PDZD2: variants seen among roughly 807,000 people sequenced by gnomAD.
PDZD2 encodes PDZ domain containing 2.
PDZD2 carries 90 observed loss-of-function variants against 220.7 expected under a neutral mutation model. The ratio of observed to expected loss-of-function variants is 0.41; its 90% CI spans 0.34 to 0.49. PDZD2 has a LOEUF of 0.49. PDZD2 is among the 20% of genes least tolerant of loss of function. The pLI is 0.28. For synonymous variants in PDZD2, 1,375 were observed against 1,450.5 expected, an observed-to-expected ratio of 0.95 and a Z score of 1.18; for missense variants, 3,174 against 3,608.5, an observed-to-expected ratio of 0.88 and a Z score of 3.08.
chr5:31,911,797 G>C (rs13357057), intron 2 of PDZD2, among the ~76,000 whole-genome samples: 4,393 of 152,288 alleles, frequency 0.029, 219 homozygotes, highest in African/African-American at 0.098. Context: ...CTGAGGGGAT[G>C]AATGCCAGGA....
Position 32,090,696 on chromosome 5 carries a change from G to A in PDZD2, c.7248G>A (p.Lys2416=). ...EAGTLLPQMA[K]SPSIMTLTIS... is the part of the protein sequence containing the mutation. ...GCACCCTCCTGCCCCAGATGGCCAA[G>A]TCTCCCTCAATCATGACACTGACCA... Residue 2416 remains lysine, a synonymous_variant, in exon 20 of 25, where the codon AAG becomes AAA. Transcript: ENST00000438447. This position sits in a 1 kb window ranked among gnomAD's most constrained non-coding sequence, Gnocchi z 4.3. 1 of 1,614,136 alleles carries A rather than the reference G, an allele frequency of 6.2e-7. No individual in the cohort carries two copies. Among genetic ancestry groups the A allele is most frequent in the Non-Finnish European group, 8.5e-7 (1 of 1,180,036 alleles).
chr5:31,961,770 A>C lies in PDZD2; in HGVS notation c.477-21385A>C, dbSNP rs896240984. 5.0e-4 allele frequency among the ~76,000 whole-genome samples: 76 copies of C among 152,192 alleles called. 1 individual carries two copies. The highest frequency in any genetic ancestry group is 7.9e-4 in the African/African-American group (33 of 41,520). On this transcript the variant is annotated intron_variant, in intron 2 of 24. Coordinates refer to ENST00000438447, the MANE Select transcript of PDZD2 (RefSeq NM_178140.4). Reference sequence around the variant, plus strand: ...GGGATTCTCCTGCCTCAGCCTCCTAACTAGCTGGGATTATAGGCATCCACC... The same window carrying C: ...GGGATTCTCCTGCCTCAGCCTCCTACCTAGCTGGGATTATAGGCATCCACC...
At chr5:31,988,046 C>G (rs1205402213) in intron 3 of PDZD2, among the ~76,000 whole-genome samples, 1 of 152,220 alleles carries the variant, frequency 6.6e-6, no homozygotes, top group Non-Finnish European at 1.5e-5. Context: ...CACAGTACTC[C>G]CCTACCCGGG....
At chr5:31,906,317 G>A (rs1216381643) in intron 2 of PDZD2, among the ~76,000 whole-genome samples, 1 of 149,196 alleles carries the variant, frequency 6.7e-6, no homozygotes, top group African/African-American at 2.5e-5. Context: ...CCCTGTTGCA[G>A]AGGCTGGAGT....
chr5:31,838,796 G>C (rs1296486694), intron 2 of PDZD2, among the ~76,000 whole-genome samples: 1 of 152,182 alleles, frequency 6.6e-6, no homozygotes, highest in Non-Finnish European at 1.5e-5. Context: ...GAGAATTCCA[G>C]GTCTGGGGCA....
Position 31,752,585 on chromosome 5 carries a change from T to C in PDZD2, c.-360-46304T>C, listed in dbSNP as rs868265738. Among the ~76,000 whole-genome samples the C allele has an allele frequency of 9.4e-3, 1,435 of 151,950 alleles. 25 individuals carry two copies. Among genetic ancestry groups the C allele is most frequent in the African/African-American group, 0.033 (1,367 of 41,374 alleles). On this transcript the variant is annotated intron_variant, in intron 1 of 24. Transcript: ENST00000438447. ...AATAAATAAAATAAAATAGGCGTTT[T>C]TTTTTCCCCCCCAGAGATGGAGTCT... is the stretch of plus-strand genomic sequence containing the variant.
chr5:31,834,740 G>T (rs548857522), intron 2 of PDZD2, among the ~76,000 whole-genome samples: 1 of 151,718 alleles, frequency 6.6e-6, no homozygotes, highest in South Asian at 2.1e-4. Flanking sequence ...GTTGTGGGGT[G>T]GGGGGAAGGG....
At chr5:31,643,986 C>T (rs1190526564) in intron 1 of PDZD2, among the ~76,000 whole-genome samples, 3 of 151,840 alleles carry the variant, frequency 2.0e-5, no homozygotes, top group African/African-American at 7.3e-5. Context: ...CCGCACCTGG[C>T]TAATTTATTA....
At chr5:31,651,882 A>T (rs1029848973) in intron 1 of PDZD2, among the ~76,000 whole-genome samples, 4 of 103,578 alleles carry the variant, frequency 3.9e-5, no homozygotes, top group Admixed American at 1.1e-4. Flanking sequence ...TAGTGATGCA[A>T]TCTTGGCTCA....
At chr5:31,686,566 C>T (rs947591011) in intron 1 of PDZD2, among the ~76,000 whole-genome samples, 1 of 151,986 alleles carries the variant, frequency 6.6e-6, no homozygotes, top group African/African-American at 2.4e-5. Context: ...AGGGTTTCGC[C>T]ATGTTGGCCA....
chr5:31,748,156 C>T (rs1297835542), intron 1 of PDZD2: 3 of 152,210 alleles, frequency 2.0e-5, no homozygotes, highest in African/African-American at 4.8e-5. Context: ...ACAAGCCACT[C>T]GAGAGTGCTA....
intron 2 of PDZD2, among the ~76,000 whole-genome samples, chr5:31,980,598 T>C (rs143379437): frequency 6.6e-6 from 1 of 152,356 alleles, no homozygotes; most frequent in African/African-American, 2.4e-5. Context: ...TGTATTTAAA[T>C]AGTAGTGCTT....
In PDZD2 at chr5:32,098,415, C is replaced by A. The variant is rs1380902447; in HGVS notation, c.7999C>A (p.Arg2667=). 5 of 1,614,052 alleles carry A rather than the reference C, an allele frequency of 3.1e-6. No individual in the cohort carries two copies. In the East Asian group the frequency reaches 1.1e-4, roughly 36 times the overall value. Residue 2667 remains arginine, a synonymous_variant, in exon 23 of 25, where the codon CGA becomes AGA. Transcript: ENST00000438447. The surrounding 1 kb of genome is among the most constrained non-coding windows in gnomAD (Gnocchi z 4.1). ...GAASQEGTMN[R]GDFLLSVNGA... ...GGCTTCTCAGGAAGGGACTATGAAC[C>A]GAGGGGATTTCCTTCTGTCAGTCAA...
At chr5:31,663,636 C>T (rs752480638) in intron 1 of PDZD2, among the ~76,000 whole-genome samples, 1 of 152,136 alleles carries the variant, frequency 6.6e-6, no homozygotes, top group Admixed American at 6.6e-5. Flanking sequence ...ATCTGACTCA[C>T]GGGTGAGATC....
intron 1 of PDZD2, among the ~76,000 whole-genome samples, chr5:31,743,694 A>T (rs1303470645): frequency 2.0e-5 from 3 of 152,104 alleles, no homozygotes; most frequent in Admixed American, 2.0e-4. Context: ...TTCATCCTTC[A>T]GTTCATCCAT....
intron 2 of PDZD2, among the ~76,000 whole-genome samples, chr5:31,876,349 G>C (rs1454150834): frequency 2.0e-5 from 3 of 150,490 alleles, no homozygotes; most frequent in Non-Finnish European, 4.4e-5. Flanking sequence ...CTGGAGTGCA[G>C]TGGTGTGATT....
intron 1 of PDZD2, among the ~76,000 whole-genome samples, chr5:31,724,417 C>T (rs566356156): frequency 3.3e-5 from 5 of 151,994 alleles, no homozygotes; most frequent in Non-Finnish European, 5.9e-5. Context: ...AGCTGACCAA[C>T]ATGGAGAAAC....
At chr5:31,954,564 G>A (rs766216139) in intron 2 of PDZD2, among the ~76,000 whole-genome samples, 10 of 152,084 alleles carry the variant, frequency 6.6e-5, no homozygotes, top group South Asian at 2.1e-4. Context: ...TCAGGGACAC[G>A]AGGTTACAAA....
In PDZD2 at chr5:32,058,791, G is replaced by A. The variant is rs942304950; in HGVS notation, c.2201-448G>A. Among the ~76,000 whole-genome samples the A allele has an allele frequency of 1.4e-4, 22 of 152,038 alleles. 1 individual carries two copies. The highest frequency in any genetic ancestry group is 1.0e-3 in the South Asian group (5 of 4,816). On this transcript the variant is annotated intron_variant, in intron 12 of 24. Transcript: ENST00000438447. ...TAACACTAGTAACTAGAATTCATGCGTGATCACCAAATCTTACTGCTTTTC... is the reference window on the plus strand; with the variant it reads ...TAACACTAGTAACTAGAATTCATGCATGATCACCAAATCTTACTGCTTTTC...
Sources: gnomAD v4.1 joint callset for allele counts (sites outside exome capture counted in the v4.1 genomes callset) on GRCh38, gnomAD v4.1.1 for gene constraint, Gnocchi (gnomAD v3.1) non-coding constraint, MANE v1.5 for transcripts, NCBI Gene and HGNC (gene_info 2026-07-23, HGNC 2026-07-21) for gene names.